The following ARHGAP44 variants were observed in gnomAD, a reference collection of about 807,000 sequenced individuals.
ARHGAP44 encodes Rho GTPase activating protein 44.
ARHGAP44 carries 43 observed loss-of-function variants against 106.8 expected under a neutral mutation model. That is an observed-to-expected ratio of 0.40 (90% CI 0.32 to 0.52). The LOEUF (loss-of-function observed/expected upper bound fraction) is 0.52, where lower values mean the gene tolerates loss of function less well. Ranked by LOEUF, ARHGAP44 falls within the 20% of genes least tolerant of loss-of-function variation. The pLI is 0.48. For synonymous variants in ARHGAP44, 439 were observed against 410.3 expected (o/e 1.07, Z -0.85); for missense variants, 866 against 1,050.5 (o/e 0.82, Z 2.43).
chr17:12,943,804 T>TA, intron 9 of ARHGAP44, 135 bp downstream of exon 9: 1 of 1,052,924 alleles, frequency 9.5e-7, no homozygotes, highest in Non-Finnish European at 1.4e-6. Context: ...CTTTTGGACT[T>TA]ACTTCCAAAC....
chr17:12,820,037 A>G (rs1319064972), intron 1 of ARHGAP44, among the ~76,000 whole-genome samples: 2 of 152,128 alleles, frequency 1.3e-5, no homozygotes, highest in Admixed American at 6.6e-5. Context: ...ATTAGTTTAC[A>G]TTTAGATCCG....
chr17:12,854,300 C>T (rs528388535), intron 1 of ARHGAP44, among the ~76,000 whole-genome samples: 24 of 152,276 alleles, frequency 1.6e-4, no homozygotes, highest in Admixed American at 1.4e-3. Context: ...CTGAGAGTGG[C>T]CTGATCTGTT....
chr17:12,896,111 G>C (rs2037194496), intron 2 of ARHGAP44, among the ~76,000 whole-genome samples: 1 of 131,102 alleles, frequency 7.6e-6, no homozygotes, highest in Admixed American at 7.8e-5. Flanking sequence ...CATGGGATAG[G>C]GGGAGGGGGG....
intron 1 of ARHGAP44, among the ~76,000 whole-genome samples, chr17:12,858,323 AC>A (rs1286494113): frequency 5.9e-5 from 9 of 151,948 alleles, no homozygotes; most frequent in Non-Finnish European, 1.3e-4. Flanking sequence ...CCACACCCCT[AC>A]TCACTGTCAC....
chr17:12,934,818 C>T (rs937778258), intron 7 of ARHGAP44, among the ~76,000 whole-genome samples: 1 of 152,304 alleles, frequency 6.6e-6, no homozygotes, highest in Middle Eastern at 3.4e-3. Flanking sequence ...TGCACCAATA[C>T]AGGTTTATCA....
intron 1 of ARHGAP44, among the ~76,000 whole-genome samples, chr17:12,893,631 T>A (rs1035162717): frequency 1.3e-5 from 2 of 152,164 alleles, no homozygotes; most frequent in African/African-American, 4.8e-5. Flanking sequence ...CTTGGGTGGT[T>A]GTTACAGCCT....
chr17:12,910,659 T>G (rs1428245793), intron 4 of ARHGAP44, among the ~76,000 whole-genome samples: 2 of 151,974 alleles, frequency 1.3e-5, no homozygotes, highest in African/African-American at 4.8e-5. Context: ...CTGGCCAGAC[T>G]GGTCATGAAC....
chr17:12,892,778 G>A (rs2037085739), intron 1 of ARHGAP44, among the ~76,000 whole-genome samples: 1 of 143,746 alleles, frequency 7.0e-6, no homozygotes, highest in Admixed American at 7.0e-5. Flanking sequence ...TTCTGCTGTT[G>A]AACCCATCAA....
chr17:12,884,992 C>T (rs1415657053), intron 1 of ARHGAP44, among the ~76,000 whole-genome samples: 1 of 152,164 alleles, frequency 6.6e-6, no homozygotes, highest in Non-Finnish European at 1.5e-5. Context: ...CCTCCACCTC[C>T]TGGGTTCAAG....
chr17:12,982,069 A>C (rs1354774580), intron 19 of ARHGAP44, among the ~76,000 whole-genome samples: 1 of 152,110 alleles, frequency 6.6e-6, no homozygotes, highest in African/African-American at 2.4e-5. Flanking sequence ...GTGATGGCTA[A>C]GTCATTGTCT....
At chr17:12,861,644 C>CTTTTTTTTTTTTGTTTT (rs2036080050) in intron 1 of ARHGAP44, among the ~76,000 whole-genome samples, 1 of 67,754 alleles carries the variant, frequency 1.5e-5, no homozygotes, top group Non-Finnish European at 2.9e-5. Flanking sequence ...TCCTCTTCCA[C>CTTTTTTTTTTTTGTTTT]TTTTTTTTTT....
Position 12,857,765 on chromosome 17 carries a change from GTTATTTATTTATTTATTTAT to G in ARHGAP44, c.54-37146_54-37127del, listed in dbSNP as rs56164347. 6.4e-3 allele frequency among the ~76,000 whole-genome samples: 936 copies of G among 145,626 alleles called. 5 individuals carry two copies. The highest frequency in any genetic ancestry group is 9.9e-3 in the Non-Finnish European group (659 of 66,412). On this transcript the variant is annotated intron_variant, in intron 1 of 20. Coordinates refer to ENST00000379672, the MANE Select transcript of ARHGAP44 (RefSeq NM_014859.6). ...AAACTTTATTGCTTCGGTTGCCCAT[GTTATTTATTTATTTATTTAT>G]TTATTTATTTATTTATTTATTTATT... is the stretch of plus-strand genomic sequence containing the variant.
chr17:12,912,734 T>C (rs2037777013), intron 4 of ARHGAP44, among the ~76,000 whole-genome samples: 1 of 152,044 alleles, frequency 6.6e-6, no homozygotes, highest in African/African-American at 2.4e-5. Flanking sequence ...AAAGCAGCAA[T>C]GGAAGAAAGA....
chr17:12,825,354 T>A (rs1045166630), intron 1 of ARHGAP44, among the ~76,000 whole-genome samples: 5 of 152,032 alleles, frequency 3.3e-5, no homozygotes, highest in Non-Finnish European at 7.4e-5. Context: ...ACTAATTTTT[T>A]AAAATGACAT....
intron 1 of ARHGAP44, among the ~76,000 whole-genome samples, chr17:12,805,756 CTAGGGAGTGCTCT>C (rs2034256350): frequency 6.6e-6 from 1 of 152,214 alleles, no homozygotes; most frequent in South Asian, 2.1e-4. Flanking sequence ...AGCATGTTTA[CTAGGGAGTGCTCT>C]TAGCATCAGT....
chr17:12,951,334 G>A (rs563571528), intron 12 of ARHGAP44, among the ~76,000 whole-genome samples: 1 of 152,180 alleles, frequency 6.6e-6, no homozygotes, highest in Non-Finnish European at 1.5e-5. Context: ...CAGGTTACCT[G>A]CTGGCTAATA....
rs1038636956 is a variant in ARHGAP44 at position 12,990,090 on chromosome 17, G to C, written c.2376G>C (p.Leu792=). ...IHIELGSTLR[L]SPLEHMRRHS... is the part of the protein sequence containing the mutation. Reference sequence around the variant, plus strand: ...TAGAGCTCGGGTCGACGCTCCGCCTGAGTCCCCTGGAGCACATGCGGCGAC... The same window carrying C: ...TAGAGCTCGGGTCGACGCTCCGCCTCAGTCCCCTGGAGCACATGCGGCGAC... The change falls in exon 21 of 21, where the codon CTG becomes CTC. Residue 792 remains leucine, a synonymous_variant. Transcript: ENST00000379672. 2 of 1,613,024 alleles carry C rather than the reference G, an allele frequency of 1.2e-6. No homozygotes were observed. The highest frequency in any genetic ancestry group is 2.7e-5 in the African/African-American group (2 of 74,910).
Position 12,860,677 on chromosome 17 carries a change from A to G in ARHGAP44, c.54-34263A>G, listed in dbSNP as rs138962413. 2.6e-3 allele frequency among the ~76,000 whole-genome samples: 399 copies of G among 152,126 alleles called. 1 individual carries two copies. Among genetic ancestry groups the G allele is most frequent in the African/African-American group, 8.9e-3 (371 of 41,502 alleles). ...TTCCATTCCCCATTTCTCTGGTTATAGCCCCTGGTTTTCTTCAAGGAGCTA... is the reference window on the plus strand; with the variant it reads ...TTCCATTCCCCATTTCTCTGGTTATGGCCCCTGGTTTTCTTCAAGGAGCTA... On this transcript the variant is annotated intron_variant, in intron 1 of 20. Transcript: ENST00000379672.
At chr17:12,979,822 G>C (rs1036772078) in intron 18 of ARHGAP44, among the ~76,000 whole-genome samples, 1 of 152,198 alleles carries the variant, frequency 6.6e-6, no homozygotes, top group African/African-American at 2.4e-5. Context: ...AAGGGCATTG[G>C]CAGTGAGTGC....
Sources: gnomAD v4.1 joint callset for allele counts (sites outside exome capture counted in the v4.1 genomes callset) on GRCh38, gnomAD v4.1.1 for gene constraint, MANE v1.5 for transcripts, NCBI Gene and HGNC (gene_info 2026-07-23, HGNC 2026-07-21) for gene names.